The following CARD14 variants were observed in gnomAD, a reference collection of about 807,000 sequenced individuals.
CARD14 encodes the protein caspase recruitment domain-containing protein 14.
A neutral mutation model predicts 111.5 loss-of-function variants in CARD14; 107 were observed. That is an observed-to-expected ratio of 0.96 (90% confidence interval 0.82 to 1.13). The LOEUF is 1.13. Ranked by LOEUF, CARD14 falls within the 50% of genes most tolerant of loss-of-function variation. The probability of loss-of-function intolerance (pLI) is 0.00; values close to 1 mark genes in which losing one functional copy is unlikely to be tolerated. For synonymous variants in CARD14, 617 were observed against 579.6 expected (o/e 1.06, Z -0.93); for missense variants, 1,322 against 1,362.3 (o/e 0.97, Z 0.47).
chr17:80,193,428 G>GACATGAGTTTCCA (rs1555613323), intron 12 of CARD14, among the ~76,000 whole-genome samples: 1 of 152,022 alleles, frequency 6.6e-6, no homozygotes, highest in Non-Finnish European at 1.5e-5. Context: ...ATGGTCCCTG[G>GACATGAGTTTCCA]GATGCCGGCC....
chr17:80,194,501 A>G (rs1260086184), intron 12 of CARD14, among the ~76,000 whole-genome samples: 1 of 151,970 alleles, frequency 6.6e-6, no homozygotes, highest in African/African-American at 2.4e-5. Flanking sequence ...CACTAACTCA[A>G]CCTCTCTGGG....
In CARD14 at chr17:80,207,129, C is replaced by T. The variant is rs1353836052; in HGVS notation, c.2807+44C>T. 4 of 1,433,896 alleles carry T rather than the reference C, an allele frequency of 2.8e-6. No individual in the cohort carries two copies. In the African/African-American group the frequency reaches 5.6e-5, roughly 20 times the overall value. 88.8% of individuals were successfully genotyped at this position (1,433,896 alleles called of 1,614,324 possible). A position where few individuals can be genotyped will look rare whatever the true frequency, so the allele number is the denominator to read the frequency against. On this transcript the variant is annotated intron_variant, in intron 23 of 23. Coordinates refer to ENST00000648509, the MANE Select transcript of CARD14 (RefSeq NM_001366385.1). ...CTGGGCAGGGGCTTCGAAGCGGCTC[C>T]TGGGCTCCCCCAAAGCCCACGGCAG...
intron 16 of CARD14, among the ~76,000 whole-genome samples, chr17:80,200,229 A>ATTTTTTTTT (rs373332962): frequency 1.3e-5 from 1 of 74,412 alleles, no homozygotes; most frequent in Non-Finnish European, 2.4e-5. Context: ...TTTACATGTC[A>ATTTTTTTTT]TTTTTTTTTT....
At chr17:80,175,888 C>T (rs2040012305) in intron 2 of CARD14, among the ~76,000 whole-genome samples, 1 of 148,256 alleles carries the variant, frequency 6.7e-6, no homozygotes, top group African/African-American at 2.5e-5. Context: ...CCTCCTCCTG[C>T]TTCCTGGCAG....
At chr17:80,191,033 C>A in intron 10 of CARD14, 134 bp downstream of exon 10, 1 of 1,264,556 alleles carries the variant, frequency 7.9e-7, no homozygotes, top group Non-Finnish European at 1.1e-6. Flanking sequence ...TTTCCTCGGT[C>A]CACACGAAGT....
At position 80,189,590 on chromosome 17, in the gene CARD14, G is replaced by A. The variant is rs1469331459; in HGVS notation, c.844-163G>A. Reference sequence around the variant, plus strand: ...AATCTGCACTTTTCCCAGGCATGATGGGTGGCTTTTCCGTGGCTTCTCTCC... The same window carrying A: ...AATCTGCACTTTTCCCAGGCATGATAGGTGGCTTTTCCGTGGCTTCTCTCC... On this transcript the variant is annotated intron_variant, in intron 8 of 23. Transcript: ENST00000648509. The surrounding 1 kb of genome is among the most constrained non-coding windows in gnomAD (Gnocchi z 4.7). Among the ~76,000 whole-genome samples, 1 of 152,178 alleles carries A rather than the reference G, an allele frequency of 6.6e-6. No homozygotes were observed. The highest frequency in any genetic ancestry group is 1.5e-5 in the Non-Finnish European group (1 of 68,028).
At chr17:80,190,125 G>A (rs942559283) in intron 9 of CARD14, among the ~76,000 whole-genome samples, 1 of 152,184 alleles carries the variant, frequency 6.6e-6, no homozygotes, top group Non-Finnish European at 1.5e-5. Flanking sequence ...GCCCCGGGGA[G>A]AGCCAGGGAC....
At position 80,204,241 on chromosome 17, in the gene CARD14, A is replaced by G. The variant is rs374555359; in HGVS notation, c.2298A>G (p.Gly766=). ...CCCTCCTTTAGCCATCTTCTGGGGGACCACAGAAGCTGGTCCGCATCGTCA... is the reference window on the plus strand; with the variant it reads ...CCCTCCTTTAGCCATCTTCTGGGGGGCCACAGAAGCTGGTCCGCATCGTCA... ...CTVTRKPSSG[G]PQKLVRIVSM... is the part of the protein sequence containing the mutation. The change falls in exon 20 of 24, where the codon GGA becomes GGG. Residue 766 remains glycine (G), a synonymous_variant. Coordinates refer to ENST00000648509, the MANE Select transcript of CARD14 (RefSeq NM_001366385.1). 6.3e-7 allele frequency: 1 copy of G among 1,588,728 alleles called. No homozygotes were observed. The highest frequency in any genetic ancestry group is 1.7e-5 in the Admixed American group (1 of 58,986).
chr17:80,195,776 C>A lies in CARD14; in HGVS notation c.1594+124C>A. 2 of 814,264 alleles carry A rather than the reference C, an allele frequency of 2.5e-6. No individual in the cohort carries two copies. Among genetic ancestry groups the A allele is most frequent in the Admixed American group, 2.8e-5 (1 of 35,534 alleles). 50.4% of individuals were successfully genotyped at this position (814,264 alleles called of 1,614,324 possible). A position where few individuals can be genotyped will look rare whatever the true frequency, so the allele number is the denominator to read the frequency against. ...AGATAGAAGCAGAGCTCAACTTCTG[C>A]CCTGGGCCTTGACCTTGGCCTCGAC... On this transcript the variant is annotated intron_variant, in intron 14 of 23. Coordinates refer to ENST00000648509, the MANE Select transcript of CARD14 (RefSeq NM_001366385.1). The surrounding 1 kb of genome is among the most constrained non-coding windows in gnomAD (Gnocchi z 4.7).
Position 80,195,358 on chromosome 17 carries a change from C to T in CARD14, c.1499+25C>T, listed in dbSNP as rs1410444775. ...GGTAGAGCACTGGGGTCCTTCCTGG[C>T]ACTGGGGTGGCACTGGGGTCCTTCC... On this transcript the variant is annotated intron_variant, in intron 13 of 23. Coordinates refer to ENST00000648509, the MANE Select transcript of CARD14 (RefSeq NM_001366385.1). The surrounding 1 kb of genome is among the most constrained non-coding windows in gnomAD (Gnocchi z 4.7). 1 of 1,594,770 alleles carries T rather than the reference C, an allele frequency of 6.3e-7. No individual in the cohort carries two copies. The highest frequency in any genetic ancestry group is 1.3e-5 in the African/African-American group (1 of 74,746).
Position 80,202,433 on chromosome 17 carries a change from C to T in CARD14, c.2219+13C>T, listed in dbSNP as rs759246881. 48 of 1,607,234 alleles carry T rather than the reference C, an allele frequency of 3.0e-5. No individual in the cohort carries two copies. In the African/African-American group the frequency reaches 5.1e-4, roughly 17 times the overall value. Reference sequence around the variant, plus strand: ...CCAACTACTCCAGGTGAGCAGCTGCCTCGAGCTCGGTGCGTCCCCAGAGAG... The same window carrying T: ...CCAACTACTCCAGGTGAGCAGCTGCTTCGAGCTCGGTGCGTCCCCAGAGAG... On this transcript the variant is annotated intron_variant, in intron 18 of 23. Transcript: ENST00000648509.
chr17:80,204,267 G>C lies in CARD14; in HGVS notation c.2324G>C (p.Ser775Thr), dbSNP rs1288961418. Reference sequence around the variant, plus strand: ...CCACAGAAGCTGGTCCGCATCGTCAGTATGGACAAAGCCAAGGCCAGCCCT... The same window carrying C: ...CCACAGAAGCTGGTCCGCATCGTCACTATGGACAAAGCCAAGGCCAGCCCT... ...GGPQKLVRIVSMDKAKASPLR... is the reference protein window; with the variant it reads ...GGPQKLVRIVTMDKAKASPLR... The change falls in exon 20 of 24, where the codon AGT becomes ACT. Residue 775 changes from serine to threonine, a missense_variant. Physicochemically the swap from Ser to Thr is moderately conservative, Grantham distance 58. Transcript: ENST00000648509. 6.2e-7 allele frequency: 1 copy of C among 1,600,728 alleles called. No homozygotes were observed. The highest frequency in any genetic ancestry group is 1.1e-5 in the South Asian group (1 of 90,142).
chr17:80,180,328 C>T (rs1384576522), intron 4 of CARD14, among the ~76,000 whole-genome samples: 1 of 152,224 alleles, frequency 6.6e-6, no homozygotes, highest in Non-Finnish European at 1.5e-5. Context: ...CCCAGATCAG[C>T]TGCAGCTCAG....
chr17:80,200,059 T>C (rs999203775), intron 16 of CARD14, among the ~76,000 whole-genome samples: 4 of 151,138 alleles, frequency 2.6e-5, no homozygotes, highest in Admixed American at 6.6e-5. Flanking sequence ...GGGGAGAGGA[T>C]GCGTCTGAAC....
intron 2 of CARD14, among the ~76,000 whole-genome samples, chr17:80,175,139 G>A (rs574061385): frequency 2.0e-4 from 31 of 151,890 alleles, no homozygotes; most frequent in Admixed American, 4.6e-4. Flanking sequence ...TACCATGCCC[G>A]GCTAATTTTT....
At chr17:80,184,321 A>C (rs2040273547) in intron 7 of CARD14, 83 bp downstream of exon 7, 1 of 1,174,210 alleles carries the variant, frequency 8.5e-7, no homozygotes, top group African/African-American at 1.6e-5. Flanking sequence ...TCTCCCTGGA[A>C]CTCCTTTCCC....
chr17:80,188,696 C>T lies in CARD14; in HGVS notation c.843+152C>T. 2 of 728,124 alleles carry T rather than the reference C, an allele frequency of 2.7e-6. No individual in the cohort carries two copies. Among genetic ancestry groups the T allele is most frequent in the Non-Finnish European group, 3.9e-6 (2 of 515,926 alleles). The allele number at this position is 728,124 out of a possible 1,614,324, so 45.1% of individuals were successfully genotyped here. A position where few individuals can be genotyped will look rare whatever the true frequency, so the allele number is the denominator to read the frequency against. The stretch of plus-strand genomic sequence containing the variant: ...CATCTCACCCACTTTCTCTTTACCT[C>T]CTTCCTTCCTGCTGTTCCCCAGACC... On this transcript the variant is annotated intron_variant, in intron 8 of 23. Transcript: ENST00000648509. This position sits in a 1 kb window ranked among gnomAD's most constrained non-coding sequence, Gnocchi z 4.5.
At position 80,182,194 on chromosome 17, in the gene CARD14, G is replaced by A. The variant is rs761139358; in HGVS notation, c.212-459G>A. 3.9e-5 allele frequency among the ~76,000 whole-genome samples: 6 copies of A among 152,298 alleles called. No individual in the cohort carries two copies. In the East Asian group the frequency reaches 5.8e-4, roughly 15 times the overall value. On this transcript the variant is annotated intron_variant, in intron 5 of 23. Transcript: ENST00000648509. The surrounding 1 kb of genome is among the most constrained non-coding windows in gnomAD (Gnocchi z 4.7). ...GAGAGATGGGCTCTGGGCCCTGGGC[G>A]TGGAAGGCCCCGAGGCTCTCTGGGA...
chr17:80,183,345 G>A (rs540936928), intron 6 of CARD14, among the ~76,000 whole-genome samples: 29 of 152,346 alleles, frequency 1.9e-4, no homozygotes, highest in South Asian at 6.2e-4. Context: ...CCAAAACAGT[G>A]GAGAATAGAC....
Sources: allele counts gnomAD v4.1 joint callset (sites outside exome capture counted in the v4.1 genomes callset), GRCh38; gene constraint gnomAD v4.1.1; non-coding constraint Gnocchi (gnomAD v3.1); transcripts MANE v1.5; gene names NCBI Gene and HGNC (gene_info 2026-07-23, HGNC 2026-07-21).